MAB21L3: variants seen among roughly 807,000 people sequenced by gnomAD.
MAB21L3 encodes protein mab-21-like 3.
A neutral mutation model predicts 37.7 loss-of-function variants in MAB21L3; 36 were observed. The ratio of observed to expected loss-of-function variants is 0.96; its 90% CI spans 0.73 to 1.26. The LOEUF is 1.26. MAB21L3 is among the 50% of genes most tolerant of loss of function. The probability of loss-of-function intolerance (pLI) is 0.00; values close to 1 mark genes in which losing one functional copy is unlikely to be tolerated. For synonymous variants in MAB21L3, 186 were observed against 176.8 expected (o/e 1.05, Z -0.41); for missense variants, 430 against 447.3 (o/e 0.96, Z 0.35).
chr1:116,133,126 C>G lies in MAB21L3; in HGVS notation c.856-6C>G. The G allele has an allele frequency of 1.9e-6, 3 of 1,610,692 alleles. No individual in the cohort carries two copies. Among genetic ancestry groups the G allele is most frequent in the Non-Finnish European group, 2.5e-6 (3 of 1,176,958 alleles). ...CAATGTCTGACAGCACTTCTCCCTT[C>G]CACAGACTGTGCTCTTTTGGACCTG... On this transcript the variant is annotated splice_region_variant and splice_polypyrimidine_tract_variant and intron_variant, in intron 7 of 7. Transcript: ENST00000369500.
At chr1:116,126,168 T>G (rs1309209682) in intron 5 of MAB21L3, among the ~76,000 whole-genome samples, 2 of 152,172 alleles carry the variant, frequency 1.3e-5, no homozygotes, top group Non-Finnish European at 2.9e-5. Flanking sequence ...AATAATAGAT[T>G]CCAATCTATT....
chr1:116,120,853 T>C (rs558719422), intron 3 of MAB21L3, 79 bp from the exon 4 acceptor site: 19 of 1,558,454 alleles, frequency 1.2e-5, no homozygotes, highest in Non-Finnish European at 1.5e-5. Flanking sequence ...GCTGTACCCT[T>C]GTCTCCTCAC....
rs534077905 is a variant in MAB21L3 at position 116,137,790 on chromosome 1, G to A, written c.*4425G>A. Among the ~76,000 whole-genome samples, 263 of 152,016 alleles carry A rather than the reference G, an allele frequency of 1.7e-3. 1 individual carries two copies. Among genetic ancestry groups the A allele is most frequent in the African/African-American group, 6.0e-3 (248 of 41,428 alleles). On this transcript the variant is annotated 3_prime_UTR_variant, in exon 8 of 8. Coordinates refer to ENST00000369500, the MANE Select transcript of MAB21L3 (RefSeq NM_152367.3). ...CATATACACCATGGAATACTATGCA[G>A]CCATAAAAAATGATGAGTTCATGTC...
In MAB21L3 at chr1:116,134,717, C is replaced by T. The variant is rs1660165762; in HGVS notation, c.*1352C>T. The T allele has an allele frequency of 6.6e-6, 1 of 152,144 alleles. No individual in the cohort carries two copies. The highest frequency in any genetic ancestry group is 1.5e-5 in the Non-Finnish European group (1 of 68,060). The allele number at this position is 152,144 out of a possible 1,614,324, so 9.4% of individuals were successfully genotyped here. A position where few individuals can be genotyped will look rare whatever the true frequency, so the allele number is the denominator to read the frequency against. Reference sequence around the variant, plus strand: ...TGCATGAAGAAGGTCTGGGGACTCACACAGGAGCTGGGCACTGAGTGCTCT... The same window carrying T: ...TGCATGAAGAAGGTCTGGGGACTCATACAGGAGCTGGGCACTGAGTGCTCT... On this transcript the variant is annotated 3_prime_UTR_variant, in exon 8 of 8. Transcript: ENST00000369500.
chr1:116,120,716 G>A (rs1219445035), intron 3 of MAB21L3, among the ~76,000 whole-genome samples: 3 of 152,124 alleles, frequency 2.0e-5, no homozygotes, highest in Admixed American at 2.0e-4. Flanking sequence ...TCAAATGAAT[G>A]CATCTGTTAC....
At chr1:116,127,927 T>C (rs12089344) in intron 6 of MAB21L3, among the ~76,000 whole-genome samples, 2,689 of 152,238 alleles carry the variant, frequency 0.018, 73 homozygotes, top group African/African-American at 0.061. Context: ...TATGCTCAAG[T>C]TGGAGAACTG....
Position 116,124,225 on chromosome 1 carries a change from G to A in MAB21L3, c.349G>A (p.Glu117Lys), listed in dbSNP as rs766901225. ...PEGLQQWLEV[E>K]QFMKSLWQWH... ...GGGTCTGCAGCAGTGGCTGGAGGTG[G>A]AACAGTTTATGAAGAGCCTGTGGCA... Residue 117 changes from glutamate to lysine, a missense_variant, in exon 5 of 8, where the codon GAA (glutamate) becomes AAA (lysine). Glu to Lys is a moderately conservative substitution (Grantham distance 56, BLOSUM62 1). Coordinates refer to ENST00000369500, the MANE Select transcript of MAB21L3 (RefSeq NM_152367.3). The A allele has an allele frequency of 6.2e-7, 1 of 1,614,210 alleles. No individual in the cohort carries two copies. The highest frequency in any genetic ancestry group is 2.2e-5 in the East Asian group (1 of 44,886).
rs1371473227 is a variant in MAB21L3 at position 116,136,054 on chromosome 1, T to G, written c.*2689T>G. Among the ~76,000 whole-genome samples, 8 of 148,354 alleles carry G rather than the reference T, an allele frequency of 5.4e-5. No homozygotes were observed. The highest frequency in any genetic ancestry group is 3.5e-3 in the Middle Eastern group (1 of 282). Reference sequence around the variant, plus strand: ...TGGGCAAAAACTGGAAGCATTCCCTTTGAAAACTGGCACAAGACAGGGATG... The same window carrying G: ...TGGGCAAAAACTGGAAGCATTCCCTGTGAAAACTGGCACAAGACAGGGATG... On this transcript the variant is annotated 3_prime_UTR_variant, in exon 8 of 8. Transcript: ENST00000369500.
chr1:116,125,564 C>A (rs1318049720), intron 5 of MAB21L3, among the ~76,000 whole-genome samples: 2 of 152,152 alleles, frequency 1.3e-5, no homozygotes, highest in Admixed American at 1.3e-4. Context: ...AGTGAAAAAC[C>A]AAACTGCTAA....
In MAB21L3 at chr1:116,114,643, G is replaced by A. The variant is rs1570800846; in HGVS notation, c.48+1980G>A. On this transcript the variant is annotated intron_variant, in intron 3 of 7. Coordinates refer to ENST00000369500, the MANE Select transcript of MAB21L3 (RefSeq NM_152367.3). ...TAGACCAAGGCCTGAGATGTGGCCT[G>A]CTAAATGAAAGAGAAATTTTGGTTT... Among the ~76,000 whole-genome samples the A allele has an allele frequency of 2.6e-5, 4 of 152,308 alleles. No homozygotes were observed. In the South Asian group the frequency reaches 8.3e-4, roughly 32 times the overall value.
At chr1:116,116,019 A>G (rs1659577294) in intron 3 of MAB21L3, among the ~76,000 whole-genome samples, 1 of 152,210 alleles carries the variant, frequency 6.6e-6, no homozygotes, top group Non-Finnish European at 1.5e-5. Flanking sequence ...GAGGCAGTAA[A>G]GGATTTCCAG....
rs1401282094 is a variant in MAB21L3 at position 116,134,221 on chromosome 1, A to T, written c.*856A>T. On this transcript the variant is annotated 3_prime_UTR_variant, in exon 8 of 8. Transcript: ENST00000369500. ...TAAATAACCTAGTACTATGATCTGCATGGAGTGACCTTAGGTGTCTGTCAC... is the reference window on the plus strand; with the variant it reads ...TAAATAACCTAGTACTATGATCTGCTTGGAGTGACCTTAGGTGTCTGTCAC... 6.6e-6 allele frequency: 1 copy of T among 152,228 alleles called. No individual in the cohort carries two copies. Among genetic ancestry groups the T allele is most frequent in the East Asian group, 1.9e-4 (1 of 5,198 alleles). 9.4% of individuals were successfully genotyped at this position (152,228 alleles called of 1,614,324 possible).
Position 116,126,538 on chromosome 1 carries a change from A to G in MAB21L3, c.482-928A>G, listed in dbSNP as rs570994974. Reference sequence around the variant, plus strand: ...ATGGTAAAAACAAATACCATCTAAGAGACTGAGGCTCAGATAAAAGAAAGG... The same window carrying G: ...ATGGTAAAAACAAATACCATCTAAGGGACTGAGGCTCAGATAAAAGAAAGG... On this transcript the variant is annotated intron_variant, in intron 5 of 7. Coordinates refer to ENST00000369500, the MANE Select transcript of MAB21L3 (RefSeq NM_152367.3). Among the ~76,000 whole-genome samples the G allele has an allele frequency of 2.0e-5, 3 of 152,316 alleles. 1 individual carries two copies. In the East Asian group the frequency reaches 5.8e-4, roughly 29 times the overall value.
At chr1:116,131,923 C>T (rs1434483604) in intron 7 of MAB21L3, among the ~76,000 whole-genome samples, 19 of 151,844 alleles carry the variant, frequency 1.3e-4, no homozygotes, top group Non-Finnish European at 4.4e-5. Flanking sequence ...TGGGTAGACT[C>T]GAGAAATACT....
intron 7 of MAB21L3, among the ~76,000 whole-genome samples, chr1:116,132,809 G>A (rs1023881794): frequency 5.3e-5 from 8 of 152,136 alleles, no homozygotes; most frequent in East Asian, 1.9e-4. Flanking sequence ...GGTGGGTGCC[G>A]CAGTAGGCAA....
chr1:116,120,260 A>C (rs1659703858), intron 3 of MAB21L3, among the ~76,000 whole-genome samples: 1 of 152,134 alleles, frequency 6.6e-6, no homozygotes, highest in Non-Finnish European at 1.5e-5. Flanking sequence ...AGCTGTCTTC[A>C]GCCTCACTCA....
rs1378000191 is a variant in MAB21L3 at position 116,137,694 on chromosome 1, T to C, written c.*4329T>C. On this transcript the variant is annotated 3_prime_UTR_variant, in exon 8 of 8. Coordinates refer to ENST00000369500, the MANE Select transcript of MAB21L3 (RefSeq NM_152367.3). Reference sequence around the variant, plus strand: ...TGCACACGTATGTTTATTGCGGCATTATTCACAATAGCAGACTTGGAACCA... The same window carrying C: ...TGCACACGTATGTTTATTGCGGCATCATTCACAATAGCAGACTTGGAACCA... 1.3e-5 allele frequency among the ~76,000 whole-genome samples: 2 copies of C among 151,982 alleles called. No homozygotes were observed. The highest frequency in any genetic ancestry group is 4.8e-5 in the African/African-American group (2 of 41,308).
At chr1:116,120,596 A>G (rs946559807) in intron 3 of MAB21L3, among the ~76,000 whole-genome samples, 2 of 151,802 alleles carry the variant, frequency 1.3e-5, no homozygotes, top group Admixed American at 6.6e-5. Flanking sequence ...ATTTATTCCT[A>G]TATTTTCAGC....
chr1:116,132,203 G>T (rs547948620), intron 7 of MAB21L3, among the ~76,000 whole-genome samples: 6 of 152,290 alleles, frequency 3.9e-5, no homozygotes, highest in Admixed American at 2.6e-4. Context: ...CTGCTGTGGT[G>T]GAGGCAACAT....
Sources: allele counts gnomAD v4.1 joint callset (sites outside exome capture counted in the v4.1 genomes callset), GRCh38; gene constraint gnomAD v4.1.1; transcripts MANE v1.5; gene names NCBI Gene and HGNC (gene_info 2026-07-23, HGNC 2026-07-21).